Variants in DLG1 observed in about 807,000 individuals in gnomAD.
DLG1 encodes disks large homolog 1.
Under a neutral mutation model 123.4 loss-of-function variants are expected in DLG1, and 42 were observed. The observed-to-expected ratio is 0.34, with a 90% CI of 0.27 to 0.44. The LOEUF (loss-of-function observed/expected upper bound fraction) is 0.44, where lower values mean the gene tolerates loss of function less well. DLG1 is among the 20% of genes least tolerant of loss of function. DLG1 has a pLI of 1.00. For missense variants in DLG1, 942 were observed against 1,082.6 expected, an observed-to-expected ratio of 0.87 and a Z score of 1.82; for synonymous variants, 317 against 356.2, an observed-to-expected ratio of 0.89 and a Z score of 1.24.
At chr3:197,145,055 T>TCTCTCA (rs1553956085) in intron 6 of DLG1, among the ~76,000 whole-genome samples, 37 of 148,742 alleles carry the variant, frequency 2.5e-4, no homozygotes, top group Non-Finnish European at 2.5e-4. Context: ...TCTCTCTCTC[T>TCTCTCA]CACACACACA....
At chr3:197,188,472 C>T (rs2150200699) in intron 5 of DLG1, among the ~76,000 whole-genome samples, 1 of 152,258 alleles carries the variant, frequency 6.6e-6, no homozygotes, top group South Asian at 2.1e-4. Context: ...GCATGTATTG[C>T]TTGACACAAC....
intron 23 of DLG1, among the ~76,000 whole-genome samples, chr3:197,054,384 T>C (rs529606228): frequency 2.6e-5 from 4 of 152,312 alleles, no homozygotes; most frequent in East Asian, 1.9e-4. Flanking sequence ...GACTGCTTGA[T>C]GGTGTCTTAT....
rs112212435 is a variant in DLG1, at chr3:197,118,909, C to T, written c.1286+501G>A. On this transcript the variant is annotated intron_variant, in intron 12 of 24. Transcript: ENST00000667157. The stretch of plus-strand genomic sequence containing the variant: ...ATCTTAGTACCTAGGGAGGCAGATA[C>T]GGGAGGATAGCTTGAGTCTAGGAGT... Among the ~76,000 whole-genome samples, 568 of 152,166 alleles carry T rather than the reference C, an allele frequency of 3.7e-3. 3 individuals are homozygous for T. Among genetic ancestry groups the T allele is most frequent in the African/African-American group, 0.013 (536 of 41,520 alleles).
intron 4 of DLG1, among the ~76,000 whole-genome samples, chr3:197,220,230 G>C (rs917229870): frequency 6.6e-6 from 1 of 152,104 alleles, no homozygotes; most frequent in Non-Finnish European, 1.5e-5. Flanking sequence ...AAATTAGAAA[G>C]ACACATACCC....
intron 5 of DLG1, among the ~76,000 whole-genome samples, chr3:197,174,412 T>G (rs926172491): frequency 4.6e-5 from 7 of 152,182 alleles, no homozygotes; most frequent in African/African-American, 1.7e-4. Flanking sequence ...CTTTAAAATA[T>G]CTTTAATTAA....
chr3:197,186,572 T>C (rs944105425), intron 5 of DLG1, among the ~76,000 whole-genome samples: 1 of 152,080 alleles, frequency 6.6e-6, no homozygotes, highest in Non-Finnish European at 1.5e-5. Context: ...TACTATGTAA[T>C]TCAAAACATG....
At chr3:197,148,155 T>A (rs542328727) in intron 6 of DLG1, among the ~76,000 whole-genome samples, 6 of 147,980 alleles carry the variant, frequency 4.1e-5, no homozygotes, top group Non-Finnish European at 7.4e-5. Context: ...TCCCAGCACT[T>A]TGGGAGGCTG....
At chr3:197,239,607 T>C (rs2150721729) in intron 4 of DLG1, among the ~76,000 whole-genome samples, 1 of 152,012 alleles carries the variant, frequency 6.6e-6, no homozygotes, top group Admixed American at 6.5e-5. Context: ...TGACAGCATA[T>C]TAAAAGGATT....
intron 2 of DLG1, 91 bp downstream of exon 2, chr3:197,297,095 G>A (rs768168004): frequency 6.3e-6 from 9 of 1,426,500 alleles, no homozygotes; most frequent in Admixed American, 3.4e-5. Flanking sequence ...TCTCATCAAA[G>A]TTACACAAAC....
In DLG1 at chr3:197,222,575, T is replaced by G. The variant is rs77052675; in HGVS notation, c.319-27986A>C. Among the ~76,000 whole-genome samples, 18 of 152,162 alleles carry G rather than the reference T, an allele frequency of 1.2e-4. No individual in the cohort carries two copies. The East Asian group carries it at 2.5e-3, about 21-fold the overall frequency. On this transcript the variant is annotated intron_variant, in intron 4 of 24. Transcript: ENST00000667157. ...TTATCTCTTAACAGCAAAAAACAAA[T>G]CATTAAGAATATGAAGCAACATAGC...
chr3:197,142,820 A>G (rs1489924454), intron 6 of DLG1, 52 bp from the exon 7 acceptor site: 16 of 1,464,548 alleles, frequency 1.1e-5, no homozygotes, highest in Non-Finnish European at 1.4e-5. Flanking sequence ...AAAATCCAAA[A>G]TGGCAAGGCA....
At chr3:197,101,579 C>T (rs577511786) in intron 14 of DLG1, among the ~76,000 whole-genome samples, 4 of 152,082 alleles carry the variant, frequency 2.6e-5, no homozygotes, top group Middle Eastern at 3.4e-3. Context: ...TTAGTAGAGA[C>T]GGGGTTTCAC....
intron 5 of DLG1, among the ~76,000 whole-genome samples, chr3:197,189,556 A>G (rs1487840839): frequency 2.0e-5 from 3 of 152,078 alleles, no homozygotes; most frequent in Admixed American, 2.0e-4. Flanking sequence ...AAAGGGGACT[A>G]GTGAGGGAAA....
intron 11 of DLG1, among the ~76,000 whole-genome samples, chr3:197,129,619 T>G (rs1781485550): frequency 6.6e-6 from 1 of 152,244 alleles, no homozygotes; most frequent in African/African-American, 2.4e-5. Context: ...GAGGTCTAGC[T>G]TTCTCCCTTT....
At chr3:197,092,371 T>TAAAA (rs1235345409) in intron 14 of DLG1, among the ~76,000 whole-genome samples, 5 of 152,262 alleles carry the variant, frequency 3.3e-5, no homozygotes, top group African/African-American at 1.2e-4. Context: ...TTACTTGTTT[T>TAAAA]ATCCAATATT....
At chr3:197,149,625 A>G (rs1792888253) in intron 6 of DLG1, 118 bp downstream of exon 6, 4 of 754,342 alleles carry the variant, frequency 5.3e-6, no homozygotes, top group Non-Finnish European at 9.6e-6. Context: ...GTATATAGTG[A>G]TAGAACATCT....
At chr3:197,133,228 T>C (rs1427923179) in intron 10 of DLG1, among the ~76,000 whole-genome samples, 1 of 152,222 alleles carries the variant, frequency 6.6e-6, no homozygotes, top group Non-Finnish European at 1.5e-5. Flanking sequence ...GTGCTTGTCT[T>C]CTTTGGAAAG....
intron 5 of DLG1, among the ~76,000 whole-genome samples, chr3:197,188,941 C>T (rs182660987): frequency 6.3e-4 from 96 of 152,312 alleles, no homozygotes; most frequent in Non-Finnish European, 2.9e-4. Context: ...TGCTCACCTG[C>T]TCCAAATCTA....
At chr3:197,211,464 C>T (rs1393300123) in intron 4 of DLG1, among the ~76,000 whole-genome samples, 4 of 146,474 alleles carry the variant, frequency 2.7e-5, no homozygotes, top group Admixed American at 2.1e-4. Flanking sequence ...GGCTTCATCC[C>T]GGGATGCAAG....
Sources: allele counts gnomAD v4.1 joint callset (sites outside exome capture counted in the v4.1 genomes callset), GRCh38; gene constraint gnomAD v4.1.1; transcripts MANE v1.5; gene names NCBI Gene and HGNC (gene_info 2026-07-23, HGNC 2026-07-21).